Variants in GFOD1 observed in about 807,000 individuals in gnomAD.
GFOD1 encodes glucose-fructose oxidoreductase domain-containing protein 1.
Under a neutral mutation model 25.4 loss-of-function variants are expected in GFOD1, and 9 were observed. The ratio of observed to expected loss-of-function variants is 0.35; its 90% CI spans 0.21 to 0.62. The LOEUF is 0.62. Among genes scored for constraint, GFOD1 ranks in the 20% least tolerant of loss-of-function variants. The pLI, the probability that GFOD1 is intolerant of heterozygous loss-of-function variation, is 0.72. For missense variants in GFOD1, 403 were observed against 556.9 expected, an observed-to-expected ratio of 0.72 and a Z score of 2.78; for synonymous variants, 253 against 245.6, an observed-to-expected ratio of 1.03 and a Z score of -0.28.
intron 1 of GFOD1, among the ~76,000 whole-genome samples, chr6:13,391,815 T>A (rs1785620102): frequency 6.6e-6 from 1 of 152,228 alleles, no homozygotes; most frequent in African/African-American, 2.4e-5. Flanking sequence ...GTGAGAACCA[T>A]CTTGAGAGCT....
At chr6:13,466,554 T>A (rs1381137270) in intron 1 of GFOD1, among the ~76,000 whole-genome samples, 1 of 152,180 alleles carries the variant, frequency 6.6e-6, no homozygotes, top group African/African-American at 2.4e-5. Flanking sequence ...ACATTCTCAA[T>A]CACCTCCCTC....
Position 13,486,247 on chromosome 6 carries a change from T to TCCCCCCC in GFOD1, c.253+384_253+390dup, listed in dbSNP as rs373896526. 2.6e-4 allele frequency: 30 copies of TCCCCCCC among 116,332 alleles called. 1 individual carries two copies. The highest frequency in any genetic ancestry group is 9.2e-4 in the African/African-American group (10 of 10,864). 7.2% of individuals were successfully genotyped at this position (116,332 alleles called of 1,614,324 possible). A position where few individuals can be genotyped will look rare whatever the true frequency, so the allele number is the denominator to read the frequency against. On this transcript the variant is annotated intron_variant, in intron 1 of 1. Transcript: ENST00000379287. ...CGCACAACCCTCCTCCACCCCCCCA[T>TCCCCCCC]CCCCCCCCCCCACACACACACACTT...
At position 13,409,183 on chromosome 6, in the gene GFOD1, G is replaced by GAAAGAA. The variant is rs1265712099; in HGVS notation, c.254-43522_254-43521insTTCTTT. 7.1e-4 allele frequency among the ~76,000 whole-genome samples: 37 copies of GAAAGAA among 52,010 alleles called. 3 individuals carry two copies. The highest frequency in any genetic ancestry group is 1.9e-3 in the South Asian group (2 of 1,048). 34.1% of individuals were successfully genotyped at this position (52,010 alleles called of 152,430 possible). On this transcript the variant is annotated intron_variant, in intron 1 of 1. Transcript: ENST00000379287. ...GAAAGAAAGGAAAGAGAGAGAGAGA[G>GAAAGAA]AGAAAGAAAGAAAGAAAGAGAAAGA...
intron 1 of GFOD1, chr6:13,469,645 T>A: frequency 2.6e-6 from 3 of 1,154,464 alleles, no homozygotes; most frequent in Non-Finnish European, 3.2e-6. Context: ...TCACATAATC[T>A]AAGACACTAC....
intron 1 of GFOD1, among the ~76,000 whole-genome samples, chr6:13,437,649 A>T (rs1757854360): frequency 6.6e-6 from 1 of 152,230 alleles, no homozygotes; most frequent in Non-Finnish European, 1.5e-5. Flanking sequence ...TAATCAGCCC[A>T]TTCAAAAAGA....
chr6:13,415,547 C>T (rs1786149924), intron 1 of GFOD1, among the ~76,000 whole-genome samples: 1 of 152,178 alleles, frequency 6.6e-6, no homozygotes, highest in Non-Finnish European at 1.5e-5. Flanking sequence ...AGCCTTCCTA[C>T]TTCTCATTTT....
intron 1 of GFOD1, among the ~76,000 whole-genome samples, chr6:13,387,395 A>G (rs1785496920): frequency 6.6e-6 from 1 of 152,244 alleles, no homozygotes; most frequent in South Asian, 2.1e-4. Flanking sequence ...CGAATCCAGC[A>G]GCACATCAAA....
intron 1 of GFOD1, among the ~76,000 whole-genome samples, chr6:13,401,964 G>A (rs1320025086): frequency 6.6e-6 from 1 of 152,172 alleles, no homozygotes; most frequent in African/African-American, 2.4e-5. Flanking sequence ...TAATCATGAT[G>A]GTGTACTACT....
chr6:13,487,156 C>A lies in GFOD1; in HGVS notation c.-266G>T, dbSNP rs1267975822. 2.3e-6 allele frequency: 1 copy of A among 429,468 alleles called. No homozygotes were observed. The highest frequency in any genetic ancestry group is 4.1e-6 in the Non-Finnish European group (1 of 244,796). The allele number at this position is 429,468 out of a possible 1,614,324, so 26.6% of individuals were successfully genotyped here. ...TCCCGGAGTCGGCGGCAGGGACCCC[C>A]CCAGGGCGCCGGAGGCTTCGAAGCC... is the stretch of plus-strand genomic sequence containing the variant. On this transcript the variant is annotated 5_prime_UTR_variant, in exon 1 of 2. Coordinates refer to ENST00000379287, the MANE Select transcript of GFOD1 (RefSeq NM_018988.4). This position sits in a 1 kb window ranked among gnomAD's most constrained non-coding sequence, Gnocchi z 4.9.
At chr6:13,451,806 G>A (rs1758103591) in intron 1 of GFOD1, among the ~76,000 whole-genome samples, 1 of 152,178 alleles carries the variant, frequency 6.6e-6, no homozygotes, top group Non-Finnish European at 1.5e-5. Context: ...AATGCACCAC[G>A]GGAGTGAGGG....
intron 1 of GFOD1, among the ~76,000 whole-genome samples, chr6:13,390,521 T>C (rs558798426): frequency 2.6e-5 from 4 of 151,250 alleles, no homozygotes; most frequent in Admixed American, 1.3e-4. Context: ...AACCCAGGAG[T>C]TTGAGACCAA....
At chr6:13,445,147 C>T (rs1270852868) in intron 1 of GFOD1, among the ~76,000 whole-genome samples, 3 of 152,272 alleles carry the variant, frequency 2.0e-5, no homozygotes, top group Non-Finnish European at 1.5e-5. Flanking sequence ...CAGCCACAGG[C>T]GCCGAGGCTG....
At chr6:13,472,062 A>G in intron 1 of GFOD1, 1 of 164,830 alleles carries the variant, frequency 6.1e-6, no homozygotes, top group Non-Finnish European at 1.3e-5. Flanking sequence ...AGAGAAAATG[A>G]GGGAGACAGA....
intron 1 of GFOD1, among the ~76,000 whole-genome samples, chr6:13,386,601 C>A (rs751615339): frequency 6.6e-6 from 1 of 152,230 alleles, no homozygotes; most frequent in Non-Finnish European, 1.5e-5. Context: ...TGCTCCCCAA[C>A]GATCCTCATT....
intron 1 of GFOD1, among the ~76,000 whole-genome samples, chr6:13,474,406 A>T (rs1758572675): frequency 6.6e-6 from 1 of 151,928 alleles, no homozygotes; most frequent in African/African-American, 2.4e-5. Context: ...AAATAAAAAT[A>T]AAAATGCCAT....
chr6:13,478,509 C>T (rs1016508605), intron 1 of GFOD1, among the ~76,000 whole-genome samples: 11 of 152,228 alleles, frequency 7.2e-5, no homozygotes, highest in African/African-American at 2.7e-4. Flanking sequence ...GAGAGTGCAG[C>T]CCAGATCAGA....
chr6:13,407,899 C>A, intron 1 of GFOD1: 1 of 860,608 alleles, frequency 1.2e-6, no homozygotes, highest in Non-Finnish European at 1.4e-6. Context: ...CACCCTCCTC[C>A]CTGTACTCAC....
At chr6:13,454,675 A>C (rs1758157805) in intron 1 of GFOD1, among the ~76,000 whole-genome samples, 1 of 152,200 alleles carries the variant, frequency 6.6e-6, no homozygotes, top group South Asian at 2.1e-4. Flanking sequence ...CCACACTCAC[A>C]CATCAGCCAC....
chr6:13,390,089 G>C (rs1280510137), intron 1 of GFOD1, among the ~76,000 whole-genome samples: 1 of 152,060 alleles, frequency 6.6e-6, no homozygotes, highest in Admixed American at 6.5e-5. Flanking sequence ...TCCCCCCTGA[G>C]GACCCCAAGC....
Sources: gnomAD v4.1 joint callset for allele counts (sites outside exome capture counted in the v4.1 genomes callset) on GRCh38, gnomAD v4.1.1 for gene constraint, Gnocchi (gnomAD v3.1) non-coding constraint, MANE v1.5 for transcripts, NCBI Gene and HGNC (gene_info 2026-07-23, HGNC 2026-07-21) for gene names.